The following ADCY2 variants were observed in gnomAD, a reference collection of about 807,000 sequenced individuals.
The protein encoded by ADCY2 is adenylate cyclase 2, also known as adenylate cyclase type 2.
In ADCY2, 31 loss-of-function variants were observed where a neutral mutation model predicts 125.2. The observed-to-expected ratio is 0.25, with a 90% CI of 0.19 to 0.33. ADCY2 has a LOEUF of 0.33. Ranked by LOEUF, ADCY2 falls within the 10% of genes least tolerant of loss-of-function variation. The pLI is 1.00. For synonymous variants in ADCY2, 512 were observed against 548.4 expected, an observed-to-expected ratio of 0.93 and a Z score of 0.93; for missense variants, 904 against 1,418.2, an observed-to-expected ratio of 0.64 and a Z score of 5.82.
intron 12 of ADCY2, among the ~76,000 whole-genome samples, chr5:7,718,219 G>C (rs1345346111): frequency 7.1e-6 from 1 of 141,102 alleles, no homozygotes; most frequent in Non-Finnish European, 1.5e-5. Flanking sequence ...CACGATCTTG[G>C]CTCACTGCAA....
chr5:7,467,364 C>T (rs1579472853), intron 2 of ADCY2, among the ~76,000 whole-genome samples: 1 of 152,342 alleles, frequency 6.6e-6, no homozygotes, highest in East Asian at 1.9e-4. Flanking sequence ...CCTTTCTCTG[C>T]AGGGTGCATG....
At chr5:7,416,665 A>G (rs1472556329) in intron 2 of ADCY2, among the ~76,000 whole-genome samples, 2 of 152,218 alleles carry the variant, frequency 1.3e-5, no homozygotes, top group Non-Finnish European at 2.9e-5. Context: ...CAATATAAAA[A>G]CAATAGTATT....
intron 2 of ADCY2, among the ~76,000 whole-genome samples, chr5:7,448,386 T>C (rs1741354722): frequency 6.6e-6 from 1 of 152,192 alleles, no homozygotes; most frequent in African/African-American, 2.4e-5. Flanking sequence ...CCTGAGTCTC[T>C]CTCTGTGTAG....
intron 6 of ADCY2, among the ~76,000 whole-genome samples, chr5:7,696,989 T>C (rs1005293627): frequency 6.6e-6 from 1 of 152,152 alleles, no homozygotes; most frequent in Non-Finnish European, 1.5e-5. Flanking sequence ...TCATTTTTGT[T>C]GGACTACCTG....
chr5:7,551,075 C>G (rs978200175), intron 3 of ADCY2, among the ~76,000 whole-genome samples: 5 of 134,464 alleles, frequency 3.7e-5, no homozygotes, highest in Admixed American at 7.8e-5. Context: ...TTTTCCTTGA[C>G]CCACACATAC....
chr5:7,784,234 C>A, intron 18 of ADCY2, 131 bp from the exon 19 acceptor site: 1 of 638,496 alleles, frequency 1.6e-6, no homozygotes, highest in Non-Finnish European at 2.7e-6. Flanking sequence ...AGATTTGAAA[C>A]TTGTGTTTGG....
intron 14 of ADCY2, among the ~76,000 whole-genome samples, chr5:7,731,119 C>T (rs1210250419): frequency 1.3e-5 from 2 of 152,080 alleles, no homozygotes; most frequent in African/African-American, 2.4e-5. Context: ...AAATTCTTCA[C>T]CCAACATTGA....
chr5:7,787,972 T>C (rs1000667053), intron 19 of ADCY2, among the ~76,000 whole-genome samples: 1 of 152,104 alleles, frequency 6.6e-6, no homozygotes, highest in Admixed American at 6.6e-5. Context: ...AGTGTGCACC[T>C]TTGTCTTCTC....
rs550858410 is a variant in ADCY2, at chr5:7,613,748, C to T, written c.571-12419C>T. Among the ~76,000 whole-genome samples, 7 of 152,290 alleles carry T rather than the reference C, an allele frequency of 4.6e-5. No individual in the cohort carries two copies. In the East Asian group the frequency reaches 9.7e-4, roughly 21 times the overall value. On this transcript the variant is annotated intron_variant, in intron 3 of 24. Transcript: ENST00000338316. The stretch of plus-strand genomic sequence containing the variant: ...TTGCTTCTCTAATCACACAATTGTT[C>T]GTGCAGATGACCAGCCATCCTGAGC...
chr5:7,744,188 A>T (rs1742527524), intron 15 of ADCY2, among the ~76,000 whole-genome samples: 1 of 151,798 alleles, frequency 6.6e-6, no homozygotes, highest in Non-Finnish European at 1.5e-5. Context: ...ACATGGACAC[A>T]GGGAGGGGAA....
At chr5:7,776,944 G>A (rs1003170859) in intron 18 of ADCY2, among the ~76,000 whole-genome samples, 30 of 152,004 alleles carry the variant, frequency 2.0e-4, no homozygotes, top group Admixed American at 1.3e-4. Flanking sequence ...TGAGGCTTTG[G>A]GACTTGGACT....
At chr5:7,532,609 C>A (rs59040999) in intron 3 of ADCY2, among the ~76,000 whole-genome samples, 5 of 151,898 alleles carry the variant, frequency 3.3e-5, no homozygotes, top group Non-Finnish European at 7.4e-5. Context: ...TGTTATACTG[C>A]GAAGGAAGTA....
At position 7,396,456 on chromosome 5, in the gene ADCY2, G is replaced by A; in HGVS notation, c.160G>A (p.Val54Ile). 6.3e-7 allele frequency: 1 copy of A among 1,577,022 alleles called. No individual in the cohort carries two copies. Among genetic ancestry groups the A allele is most frequent in the Non-Finnish European group, 8.6e-7 (1 of 1,162,100 alleles). Residue 54 changes from valine to isoleucine, a missense_variant, in exon 1 of 25, where the codon GTC becomes ATC. By Grantham distance (29) the Val-to-Ile change is conservative (BLOSUM62 3). Transcript: ENST00000338316. The surrounding 1 kb of genome is among the most constrained non-coding windows in gnomAD (Gnocchi z 5.7). ...HPLIVFLLLI[V>I]MGSCLALLAV... ...GCTCATCGTCTTCCTGCTGCTCATCGTCATGGGCTCCTGCCTCGCCCTGCT... is the reference window on the plus strand; with the variant it reads ...GCTCATCGTCTTCCTGCTGCTCATCATCATGGGCTCCTGCCTCGCCCTGCT...
At chr5:7,417,074 C>G (rs7712636) in intron 2 of ADCY2, among the ~76,000 whole-genome samples, 11 of 151,904 alleles carry the variant, frequency 7.2e-5, no homozygotes, top group Non-Finnish European at 1.3e-4. Flanking sequence ...ATGAAAGGGT[C>G]GTGTATAAAA....
intron 2 of ADCY2, among the ~76,000 whole-genome samples, chr5:7,489,924 C>T (rs536198824): frequency 6.6e-6 from 1 of 152,180 alleles, no homozygotes; most frequent in East Asian, 1.9e-4. Context: ...ACTTGAGCTG[C>T]GTATAGCTTC....
chr5:7,816,995 A>C lies in ADCY2; in HGVS notation c.2998+15A>C, dbSNP rs1745133153. ...ATTGCGAGTGGGTACGTTCTGCAAA[A>C]GAGGTCTCGGTTTCAGTTGTGGCAA... is the stretch of plus-strand genomic sequence containing the variant. On this transcript the variant is annotated intron_variant, in intron 23 of 24. Transcript: ENST00000338316. The C allele has an allele frequency of 6.2e-7, 1 of 1,601,030 alleles. No homozygotes were observed.
intron 2 of ADCY2, among the ~76,000 whole-genome samples, chr5:7,435,959 G>C (rs1740784431): frequency 6.6e-6 from 1 of 152,052 alleles, no homozygotes; most frequent in Non-Finnish European, 1.5e-5. Context: ...TTTTAGCCTT[G>C]GTTTTTGAGT....
At chr5:7,586,013 A>G (rs1289087895) in intron 3 of ADCY2, among the ~76,000 whole-genome samples, 3 of 152,316 alleles carry the variant, frequency 2.0e-5, no homozygotes, top group South Asian at 4.1e-4. Context: ...GACTATCACA[A>G]TGTTTTAAAA....
At chr5:7,571,078 A>G (rs769191963) in intron 3 of ADCY2, among the ~76,000 whole-genome samples, 1 of 150,560 alleles carries the variant, frequency 6.6e-6, no homozygotes, top group African/African-American at 2.4e-5. Flanking sequence ...TTTTTTTGGT[A>G]TGGAATCTAT....
Sources: allele counts gnomAD v4.1 joint callset (sites outside exome capture counted in the v4.1 genomes callset), GRCh38; gene constraint gnomAD v4.1.1; non-coding constraint Gnocchi (gnomAD v3.1); transcripts MANE v1.5; gene names NCBI Gene and HGNC (gene_info 2026-07-23, HGNC 2026-07-21).